ADGRL3: variants seen among roughly 807,000 people sequenced by gnomAD.
The protein encoded by ADGRL3 is calcium-independent alpha-latrotoxin receptor 3.
ADGRL3 carries 62 observed loss-of-function variants against 153.5 expected under a neutral mutation model. That is an observed-to-expected ratio of 0.40 (90% CI 0.33 to 0.50). The LOEUF is 0.50. Ranked by LOEUF, ADGRL3 falls within the 20% of genes least tolerant of loss-of-function variation. ADGRL3 has a pLI of 0.47. For synonymous variants in ADGRL3, 710 were observed against 672.5 expected, an observed-to-expected ratio of 1.06 and a Z score of -0.86; for missense variants, 1,641 against 1,859.4, an observed-to-expected ratio of 0.88 and a Z score of 2.16.
At chr4:62,051,086 T>TAC (rs1733858054) in intron 25 of ADGRL3, among the ~76,000 whole-genome samples, 1 of 150,032 alleles carries the variant, frequency 6.7e-6, no homozygotes. Flanking sequence ...TATATATATA[T>TAC]ACACAAAGGA....
chr4:62,030,237 A>G (rs1581963998), intron 22 of ADGRL3, among the ~76,000 whole-genome samples: 1 of 151,848 alleles, frequency 6.6e-6, no homozygotes, highest in Non-Finnish European at 1.5e-5. Flanking sequence ...TCAGCTTCAG[A>G]TTATGATAAA....
At chr4:61,747,475 C>T (rs1454299542) in intron 8 of ADGRL3, among the ~76,000 whole-genome samples, 4 of 149,594 alleles carry the variant, frequency 2.7e-5, no homozygotes, top group African/African-American at 1.0e-4. Context: ...ACTGGCAAAC[C>T]AAATCCAGCG....
Position 61,432,647 on chromosome 4 carries a change from T to TTTC in ADGRL3, c.-174+49461_-174+49463dup, listed in dbSNP as rs2097383251. 7.5e-5 allele frequency among the ~76,000 whole-genome samples: 3 copies of TTTC among 40,120 alleles called. No individual in the cohort carries two copies. In the Admixed American group the frequency reaches 7.6e-4, roughly 10 times the overall value. 26.3% of individuals were successfully genotyped at this position (40,120 alleles called of 152,430 possible). ...CTTTCTTTCTTTCTTTCTTTCTTTC[T>TTTC]TTCTTTCTTTTTTTTTTTTTTTTGA... On this transcript the variant is annotated intron_variant, in intron 2 of 26. Coordinates refer to ENST00000683033, the MANE Select transcript of ADGRL3 (RefSeq NM_001387552.1).
intron 8 of ADGRL3, among the ~76,000 whole-genome samples, chr4:61,806,421 T>C (rs1561282754): frequency 6.6e-6 from 1 of 151,744 alleles, no homozygotes; most frequent in African/African-American, 2.4e-5. Context: ...AAATACAATA[T>C]ATAAATTATA....
At chr4:61,870,611 G>A (rs6829219) in intron 9 of ADGRL3, among the ~76,000 whole-genome samples, 790 of 68,008 alleles carry the variant, frequency 0.012, 8 homozygotes, top group African/African-American at 0.033. Context: ...CATAATAAAA[G>A]GACAAATACC....
intron 6 of ADGRL3, among the ~76,000 whole-genome samples, chr4:61,705,944 G>C (rs2095850327): frequency 6.6e-6 from 1 of 152,178 alleles, no homozygotes; most frequent in South Asian, 2.1e-4. Context: ...GCAGAGCTCA[G>C]AGTAGATTTA....
intron 8 of ADGRL3, among the ~76,000 whole-genome samples, chr4:61,749,919 TC>T (rs1267481519): frequency 5.9e-5 from 9 of 151,834 alleles, no homozygotes; most frequent in African/African-American, 2.2e-4. Context: ...AAAATGGAAT[TC>T]AGGCACACAG....
Position 61,669,221 on chromosome 4 carries a change from A to G in ADGRL3, c.474-7605A>G, listed in dbSNP as rs375657337. Among the ~76,000 whole-genome samples, 4 of 152,072 alleles carry G rather than the reference A, an allele frequency of 2.6e-5. No homozygotes were observed. The East Asian group carries it at 5.8e-4, about 22-fold the overall frequency. On this transcript the variant is annotated intron_variant, in intron 5 of 26. Coordinates refer to ENST00000683033, the MANE Select transcript of ADGRL3 (RefSeq NM_001387552.1). ...TTTCATAGCCATTTAGTCTCTTTTT[A>G]TTTGAAATCTAGTTGATTCTCTTTA...
At chr4:61,743,100 C>T (rs1425650572) in intron 8 of ADGRL3, among the ~76,000 whole-genome samples, 1 of 151,322 alleles carries the variant, frequency 6.6e-6, no homozygotes, top group African/African-American at 2.4e-5. Flanking sequence ...GCAGGCGGAT[C>T]ACAAGGTTAG....
chr4:61,294,924 C>T (rs1457651577), intron 1 of ADGRL3, among the ~76,000 whole-genome samples: 1 of 151,676 alleles, frequency 6.6e-6, no homozygotes, highest in African/African-American at 2.4e-5. Flanking sequence ...CACACACACA[C>T]ACACACACAC....
chr4:61,619,396 C>A (rs1013366060), intron 5 of ADGRL3, among the ~76,000 whole-genome samples: 2 of 151,780 alleles, frequency 1.3e-5, no homozygotes, highest in African/African-American at 4.8e-5. Flanking sequence ...AAATTATTTT[C>A]TTTGGAAGGA....
chr4:61,432,657 T>TTC (rs1560623843), intron 2 of ADGRL3, among the ~76,000 whole-genome samples: 9 of 134,588 alleles, frequency 6.7e-5, no homozygotes, highest in Non-Finnish European at 1.3e-4. Flanking sequence ...TTTCTTTCTT[T>TTC]TTTTTTTTTT....
At chr4:61,389,282 G>C (rs1232649716) in intron 2 of ADGRL3, among the ~76,000 whole-genome samples, 2 of 152,190 alleles carry the variant, frequency 1.3e-5, no homozygotes, top group Non-Finnish European at 2.9e-5. Context: ...ATAGGTCTTA[G>C]TGACTGATTG....
intron 9 of ADGRL3, among the ~76,000 whole-genome samples, chr4:61,817,579 C>A (rs1385947057): frequency 1.3e-5 from 2 of 152,062 alleles, no homozygotes; most frequent in Non-Finnish European, 2.9e-5. Context: ...GAGAGCCATT[C>A]TGTCCCTCAA....
chr4:61,712,575 A>G (rs1480506111), intron 6 of ADGRL3, among the ~76,000 whole-genome samples: 1 of 152,182 alleles, frequency 6.6e-6, no homozygotes, highest in African/African-American at 2.4e-5. Flanking sequence ...TAAAGTGCTC[A>G]GTACAATGCC....
At chr4:61,456,405 A>ATATC (rs1553934091) in intron 2 of ADGRL3, among the ~76,000 whole-genome samples, 16 of 53,880 alleles carry the variant, frequency 3.0e-4, no homozygotes, top group Non-Finnish European at 3.6e-4. Flanking sequence ...ATCTATATCT[A>ATATC]TATATATATA....
At chr4:61,402,916 G>T (rs2096947653) in intron 2 of ADGRL3, among the ~76,000 whole-genome samples, 1 of 151,848 alleles carries the variant, frequency 6.6e-6, no homozygotes. Context: ...TGTTTAGGTG[G>T]CTTAAAAACG....
intron 25 of ADGRL3, among the ~76,000 whole-genome samples, chr4:62,064,358 A>G (rs1033947201): frequency 6.6e-6 from 1 of 151,854 alleles, no homozygotes; most frequent in African/African-American, 2.4e-5. Flanking sequence ...ACCACCATAG[A>G]TCTCTTTAAA....
chr4:61,257,287 T>C (rs1238041374), intron 1 of ADGRL3, among the ~76,000 whole-genome samples: 4 of 152,200 alleles, frequency 2.6e-5, no homozygotes, highest in African/African-American at 9.6e-5. Flanking sequence ...AAGAAACTGA[T>C]CTTGTTTCAA....
Sources: allele counts gnomAD v4.1 joint callset (sites outside exome capture counted in the v4.1 genomes callset), GRCh38; gene constraint gnomAD v4.1.1; transcripts MANE v1.5; gene names NCBI Gene and HGNC (gene_info 2026-07-23, HGNC 2026-07-21).